Variants in CALCB observed in about 807,000 individuals in gnomAD.
CALCB encodes the protein calcitonin gene-related peptide 2.
Under a neutral mutation model 10.7 loss-of-function variants are expected in CALCB, and 8 were observed. The observed-to-expected ratio is 0.75, with a 90% CI of 0.44 to 1.34. CALCB has a LOEUF of 1.34. Among genes scored for constraint, CALCB ranks in the 40% most tolerant of loss-of-function variants. The probability of loss-of-function intolerance (pLI) is 0.01; values close to 1 mark genes in which losing one functional copy is unlikely to be tolerated. For missense variants in CALCB, 176 were observed against 162.5 expected (o/e 1.08, Z -0.45); for synonymous variants, 76 against 66.9 (o/e 1.14, Z -0.66).
chr11:15,077,499 G>C (rs1044766944), intron 4 of CALCB, 29 bp downstream of exon 4: 10 of 1,602,966 alleles, frequency 6.2e-6, no homozygotes, highest in South Asian at 1.1e-5. Flanking sequence ...TGGGATAAGA[G>C]GGGGAAGGGA....
At chr11:15,074,998 C>A in intron 2 of CALCB, 63 bp from the exon 3 acceptor site, 5 of 1,588,100 alleles carry the variant, frequency 3.1e-6, no homozygotes, top group Non-Finnish European at 4.3e-6. Flanking sequence ...AGCCTGGCTG[C>A]CTATCCTGGG....
intron 4 of CALCB, 34 bp downstream of exon 4, chr11:15,077,504 A>G: frequency 6.3e-7 from 1 of 1,597,138 alleles, no homozygotes. Flanking sequence ...TAAGAGGGGG[A>G]AGGGACTTGG....
chr11:15,074,484 C>T (rs897159838), intron 1 of CALCB, among the ~76,000 whole-genome samples: 5 of 152,200 alleles, frequency 3.3e-5, no homozygotes, highest in African/African-American at 1.2e-4. Flanking sequence ...CAAAATTCAT[C>T]CTTTCTCTCC....
At chr11:15,077,584 G>C (rs72856872) in intron 4 of CALCB, 114 bp downstream of exon 4, 15 of 1,070,026 alleles carry the variant, frequency 1.4e-5, no homozygotes, top group Non-Finnish European at 2.0e-5. Context: ...CAGTTACATT[G>C]TTCCTCCTGA....
intron 2 of CALCB, 101 bp downstream of exon 2, chr11:15,074,905 G>C (rs1850379419): frequency 7.3e-7 from 1 of 1,365,120 alleles, no homozygotes; most frequent in African/African-American, 1.4e-5. Context: ...GTGAATCAGT[G>C]CCCACAGGTG....
intron 3 of CALCB, among the ~76,000 whole-genome samples, chr11:15,076,770 T>G (rs888689217): frequency 7.9e-5 from 12 of 152,214 alleles, no homozygotes; most frequent in African/African-American, 2.9e-4. Context: ...AGCCTTAGCT[T>G]CAGGGTAGCT....
At chr11:15,076,663 T>C (rs1295038738) in intron 3 of CALCB, among the ~76,000 whole-genome samples, 1 of 152,242 alleles carries the variant, frequency 6.6e-6, no homozygotes, top group East Asian at 1.9e-4. Context: ...TGGCATTAGA[T>C]GAATCAATCT....
Position 15,075,216 on chromosome 11 carries a change from C to T in CALCB, c.224+18C>T. ...GGCTCCAGGTGAGGTTCCCCAAGCG[C>T]CCAGCACAGGGACTCCTCTCCCCGC... On this transcript the variant is annotated intron_variant, in intron 3 of 4. Transcript: ENST00000324229. 6.2e-7 allele frequency: 1 copy of T among 1,613,796 alleles called. No individual in the cohort carries two copies. Among genetic ancestry groups the T allele is most frequent in the Non-Finnish European group, 8.5e-7 (1 of 1,180,018 alleles).
chr11:15,077,622 A>G (rs1170030958), intron 4 of CALCB, among the ~76,000 whole-genome samples, 152 bp downstream of exon 4: 4 of 152,224 alleles, frequency 2.6e-5, no homozygotes, highest in Non-Finnish European at 5.9e-5. Flanking sequence ...AGAACCTAGC[A>G]TGATGTCAGA....
At position 15,077,381 on chromosome 11, in the gene CALCB, A is replaced by T; in HGVS notation, c.320A>T (p.Asn107Ile). 1 of 1,614,244 alleles carries T rather than the reference A, an allele frequency of 6.2e-7. No homozygotes were observed. Among genetic ancestry groups the T allele is most frequent in the Non-Finnish European group, 8.5e-7 (1 of 1,180,046 alleles). The change falls in exon 4 of 5, where the codon AAC (asparagine) becomes ATC (isoleucine). Residue 107 changes from asparagine to isoleucine, a missense_variant. By Grantham distance (149) the Asn-to-Ile change is moderately radical. Transcript: ENST00000324229. ...AGATCAGGGGGCATGGTGAAGAGCA[A>T]CTTCGTGCCCACCAATGTGGGTTCC... ...LSRSGGMVKS[N>I]FVPTNVGSKA...
chr11:15,075,556 T>C (rs535316477), intron 3 of CALCB, among the ~76,000 whole-genome samples: 33 of 152,234 alleles, frequency 2.2e-4, no homozygotes, highest in African/African-American at 7.2e-4. Context: ...TCTCCTAGCA[T>C]TGGATGAGTT....
At chr11:15,073,958 G>A (rs1015946509) in intron 1 of CALCB, among the ~76,000 whole-genome samples, 5 of 152,258 alleles carry the variant, frequency 3.3e-5, no homozygotes, top group Non-Finnish European at 5.9e-5. Context: ...GCCTGGCTGA[G>A]CGCAGGATTC....
At chr11:15,076,100 C>A (rs1014226089) in intron 3 of CALCB, among the ~76,000 whole-genome samples, 1 of 152,174 alleles carries the variant, frequency 6.6e-6, no homozygotes, top group Non-Finnish European at 1.5e-5. Context: ...CCTGGTCCAA[C>A]CTTCTGAGTG....
At chr11:15,077,584 G>A in intron 4 of CALCB, 114 bp downstream of exon 4, 3 of 1,070,024 alleles carry the variant, frequency 2.8e-6, no homozygotes, top group Non-Finnish European at 4.0e-6. Flanking sequence ...CAGTTACATT[G>A]TTCCTCCTGA....
At position 15,075,193 on chromosome 11, in the gene CALCB, C is replaced by A; in HGVS notation, c.219C>A (p.Gly73=). The change falls in exon 3 of 5, where the codon GGC becomes GGA. Residue 73 remains glycine, a synonymous_variant. Transcript: ENST00000324229. The stretch of plus-strand genomic sequence containing the variant: ...TGAAGCAGGAGCAGGAGACACAGGG[C>A]TCCAGGTGAGGTTCCCCAAGCGCCC... ...SELKQEQETQ[G]SSSAAQKRAC... is the part of the protein sequence containing the mutation. 2 of 1,614,148 alleles carry A rather than the reference C, an allele frequency of 1.2e-6. No homozygotes were observed. Among genetic ancestry groups the A allele is most frequent in the Non-Finnish European group, 1.7e-6 (2 of 1,180,036 alleles).
At chr11:15,075,489 G>A (rs1850385984) in intron 3 of CALCB, among the ~76,000 whole-genome samples, 1 of 152,222 alleles carries the variant, frequency 6.6e-6, no homozygotes. Context: ...GATAGAAAAT[G>A]AAATGGGGAG....
At chr11:15,075,295 G>C in intron 3 of CALCB, 97 bp downstream of exon 3, 2 of 1,582,876 alleles carry the variant, frequency 1.3e-6, no homozygotes, top group Non-Finnish European at 1.7e-6. Flanking sequence ...ACTGGCAAGG[G>C]GTCCAGCAAG....
At position 15,074,772 on chromosome 11, in the gene CALCB, C is replaced by T; in HGVS notation, c.54C>T (p.Tyr18=). ...PFLALSILVL[Y]QAGSLQAAPF... Reference sequence around the variant, plus strand: ...TGGCTCTCAGTATCTTGGTCCTGTACCAGGCGGGCAGCCTCCAGGCGGCGC... The same window carrying T: ...TGGCTCTCAGTATCTTGGTCCTGTATCAGGCGGGCAGCCTCCAGGCGGCGC... The change falls in exon 2 of 5, where the codon TAC becomes TAT. Residue 18 remains tyrosine (Y), a synonymous_variant. Transcript: ENST00000324229. The T allele has an allele frequency of 6.2e-7, 1 of 1,614,072 alleles. No individual in the cohort carries two copies. Among genetic ancestry groups the T allele is most frequent in the Non-Finnish European group, 8.5e-7 (1 of 1,179,984 alleles).
chr11:15,075,410 C>T (rs1850385158), intron 3 of CALCB, among the ~76,000 whole-genome samples: 1 of 152,196 alleles, frequency 6.6e-6, no homozygotes, highest in Admixed American at 6.5e-5. Context: ...AGCTCCGTTT[C>T]TGAAAGCTGT....
Sources: gnomAD v4.1 joint callset for allele counts (sites outside exome capture counted in the v4.1 genomes callset) on GRCh38, gnomAD v4.1.1 for gene constraint, MANE v1.5 for transcripts, NCBI Gene and HGNC (gene_info 2026-07-23, HGNC 2026-07-21) for gene names.